Variants in ANKRD17 observed in about 807,000 individuals in gnomAD.
ANKRD17 encodes the protein ankyrin repeat domain-containing protein 17.
Under a neutral mutation model 229.7 loss-of-function variants are expected in ANKRD17, and 19 were observed. The observed-to-expected ratio is 0.08, with a 90% CI of 0.06 to 0.12. The LOEUF is 0.12. Among genes scored for constraint, ANKRD17 ranks in the 10% least tolerant of loss-of-function variants. The pLI, the probability that ANKRD17 is intolerant of heterozygous loss-of-function variation, is 1.00. For synonymous variants in ANKRD17, 1,112 were observed against 1,146.1 expected, an observed-to-expected ratio of 0.97 and a Z score of 0.60; for missense variants, 2,176 against 3,176.8, an observed-to-expected ratio of 0.68 and a Z score of 7.57.
intron 2 of ANKRD17, among the ~76,000 whole-genome samples, chr4:73,174,142 A>AAGGAAGGAAGGAAGGAAGG (rs1560652585): frequency 8.1e-5 from 6 of 73,922 alleles, no homozygotes; most frequent in Non-Finnish European, 1.7e-4. Context: ...AGGAAGGAAG[A>AAGGAAGGAAGGAAGGAAGG]AAACTACAGA....
At chr4:73,217,290 A>C (rs189216947) in intron 1 of ANKRD17, among the ~76,000 whole-genome samples, 1 of 152,102 alleles carries the variant, frequency 6.6e-6, no homozygotes, top group Non-Finnish European at 1.5e-5. Context: ...TCCATATTCC[A>C]CTAAAATATC....
chr4:73,177,281 CTAAA>C lies in ANKRD17; in HGVS notation c.547+95_547+98del, dbSNP rs549382781. ...ATTAACCTTTATTAATAGTATCATTCTAAATACCCAATATCATTCATTTTTAACA... is the reference window on the plus strand; with the variant it reads ...ATTAACCTTTATTAATAGTATCATTCTACCCAATATCATTCATTTTTAACA... On this transcript the variant is annotated intron_variant, in intron 2 of 33. Coordinates refer to ENST00000358602, the MANE Select transcript of ANKRD17 (RefSeq NM_032217.5). 9,946 of 1,162,738 alleles carry C rather than the reference CTAAA, an allele frequency of 8.6e-3. 52 individuals are homozygous for C. The highest frequency in any genetic ancestry group is 0.01 in the Non-Finnish European group (8,818 of 875,144). The allele number at this position is 1,162,738 out of a possible 1,614,324, so 72.0% of individuals were successfully genotyped here. A position where few individuals can be genotyped will look rare whatever the true frequency, so the allele number is the denominator to read the frequency against.
rs1174377902 is a variant in ANKRD17 at position 73,075,427 on chromosome 4, CAGAA to C, written c.*800_*803del. On this transcript the variant is annotated 3_prime_UTR_variant, in exon 34 of 34. Transcript: ENST00000358602. ...AATCTTGACAGAACCTTTTCACTAT[CAGAA>C]AGATAATTTTACTGGTATTAGTGGT... 1.3e-5 allele frequency: 2 copies of C among 152,202 alleles called. No individual in the cohort carries two copies. The highest frequency in any genetic ancestry group is 3.9e-4 in the East Asian group (2 of 5,192). The allele number at this position is 152,202 out of a possible 1,614,324, so 9.4% of individuals were successfully genotyped here.
intron 24 of ANKRD17, among the ~76,000 whole-genome samples, chr4:73,113,472 A>G (rs1174562984): frequency 6.6e-6 from 1 of 152,228 alleles, no homozygotes. Flanking sequence ...AATAAATTAT[A>G]AGATCAAAAA....
At position 73,128,904 on chromosome 4, in the gene ANKRD17, T is replaced by C. The variant is rs114697066; in HGVS notation, c.3235-3592A>G. ...AAATAGAAATTTGGGTTAATATTAA[T>C]AATGACAAAGTAAAGAAAAAAACAG... is the stretch of plus-strand genomic sequence containing the variant. On this transcript the variant is annotated intron_variant, in intron 16 of 33. Coordinates refer to ENST00000358602, the MANE Select transcript of ANKRD17 (RefSeq NM_032217.5). 6.2e-3 allele frequency among the ~76,000 whole-genome samples: 937 copies of C among 152,192 alleles called. 11 individuals carry two copies. The highest frequency in any genetic ancestry group is 0.019 in the African/African-American group (780 of 41,528).
At chr4:73,076,880 T>G (rs1721055959) in intron 33 of ANKRD17, 60 bp downstream of exon 33, 6 of 1,531,512 alleles carry the variant, frequency 3.9e-6, no homozygotes, top group Non-Finnish European at 5.3e-6. Flanking sequence ...CTGAATCCTA[T>G]TTGTCTTTGC....
chr4:73,131,776 A>AC (rs1728237722), intron 16 of ANKRD17, among the ~76,000 whole-genome samples: 2 of 152,226 alleles, frequency 1.3e-5, no homozygotes, highest in African/African-American at 4.8e-5. Context: ...AATAGTACCT[A>AC]CTTCATGGGA....
In ANKRD17 at chr4:73,078,715, A is replaced by G. The variant is rs773085719; in HGVS notation, c.7335T>C (p.Val2445=). 2 of 1,614,194 alleles carry G rather than the reference A, an allele frequency of 1.2e-6. No individual in the cohort carries two copies. The highest frequency in any genetic ancestry group is 1.7e-6 in the Non-Finnish European group (2 of 1,180,016). Residue 2445 remains valine (V), a synonymous_variant, in exon 31 of 34, where the codon GTT becomes GTC. Transcript: ENST00000358602. ...IRQTGTSAPS[V]IGSNLSTSVG... ...CTGATGTAGACAAATTGCTCCCAAT[A>G]ACAGATGGAGCTGACGTTCCAGTTT...
At chr4:73,253,944 C>T (rs978218164) in intron 1 of ANKRD17, among the ~76,000 whole-genome samples, 2 of 152,188 alleles carry the variant, frequency 1.3e-5, no homozygotes, top group East Asian at 1.9e-4. Context: ...TAGTTATTCA[C>T]TAAAAATGTT....
chr4:73,190,611 A>G (rs954222705), intron 1 of ANKRD17, among the ~76,000 whole-genome samples: 5 of 151,790 alleles, frequency 3.3e-5, no homozygotes, highest in Non-Finnish European at 5.9e-5. Context: ...ACATACAGAA[A>G]AAGGAAAAGG....
At chr4:73,102,309 G>T in intron 25 of ANKRD17, 67 bp downstream of exon 25, 1 of 1,468,688 alleles carries the variant, frequency 6.8e-7, no homozygotes, top group Non-Finnish European at 9.2e-7. Flanking sequence ...AAGAGTGACT[G>T]ATAATCAAGT....
rs555091573 is a variant in ANKRD17 at position 73,110,922 on chromosome 4, C to T, written c.4401+2870G>A. Among the ~76,000 whole-genome samples the T allele has an allele frequency of 5.5e-4, 83 of 152,268 alleles. 1 individual carries two copies. In the South Asian group the frequency reaches 0.016, roughly 29 times the overall value. On this transcript the variant is annotated intron_variant, in intron 24 of 33. Transcript: ENST00000358602. ...ATACAACGATATTTAAAAGAAGCTT[C>T]TCTTGACTTCTCTTAAAACTAAGGC...
intron 22 of ANKRD17, among the ~76,000 whole-genome samples, chr4:73,116,854 T>C (rs1297699600): frequency 1.3e-5 from 2 of 151,888 alleles, no homozygotes; most frequent in African/African-American, 4.8e-5. Flanking sequence ...ATACACAACA[T>C]ATACTATGTT....
In ANKRD17 at chr4:73,177,921, C is replaced by T. The variant is rs1171083738; in HGVS notation, c.394-388G>A. Among the ~76,000 whole-genome samples the T allele has an allele frequency of 3.9e-5, 6 of 152,252 alleles. No individual in the cohort carries two copies. In the East Asian group the frequency reaches 1.2e-3, roughly 29 times the overall value. ...TTTGCTTTCAGGACTCAATGAAGTA[C>T]TGAACTCCCAAGGACTTTATATAAA... On this transcript the variant is annotated intron_variant, in intron 1 of 33. Coordinates refer to ENST00000358602, the MANE Select transcript of ANKRD17 (RefSeq NM_032217.5).
At chr4:73,179,118 G>A (rs762227547) in intron 1 of ANKRD17, among the ~76,000 whole-genome samples, 22 of 151,804 alleles carry the variant, frequency 1.4e-4, no homozygotes, top group Non-Finnish European at 2.9e-4. Context: ...CAAGTAACCA[G>A]GAATACTGCT....
chr4:73,145,169 A>G (rs1730098262), intron 10 of ANKRD17, among the ~76,000 whole-genome samples: 1 of 152,162 alleles, frequency 6.6e-6, no homozygotes, highest in East Asian at 1.9e-4. Context: ...GTACTTGAAT[A>G]TGCATGTATG....
chr4:73,225,861 CAAAAAAAAAAA>C lies in ANKRD17; in HGVS notation c.393+32404_393+32414del, dbSNP rs375866026. Among the ~76,000 whole-genome samples, 26 of 66,702 alleles carry C rather than the reference CAAAAAAAAAAA, an allele frequency of 3.9e-4. No individual in the cohort carries two copies. The South Asian group carries it at 0.017, about 43-fold the overall frequency. The allele number at this position is 66,702 out of a possible 152,430, so 43.8% of individuals were successfully genotyped here. ...TGGGCAACAGGGCAAGACTCTGTCT[CAAAAAAAAAAA>C]AAAAAAAAAAAAAGAAAGAAAAGAA... On this transcript the variant is annotated intron_variant, in intron 1 of 33. Transcript: ENST00000358602.
rs140833506 is a variant in ANKRD17, at chr4:73,251,392, T to C, written c.393+6884A>G. 1.5e-3 allele frequency among the ~76,000 whole-genome samples: 222 copies of C among 152,292 alleles called. 1 individual carries two copies. Among genetic ancestry groups the C allele is most frequent in the African/African-American group, 5.0e-3 (209 of 41,554 alleles). ...AAAAAAATGTTAAGAAGTGAAGCACTGTTAAGTCAGAAAGGGTATTTTGCT... is the reference window on the plus strand; with the variant it reads ...AAAAAAATGTTAAGAAGTGAAGCACCGTTAAGTCAGAAAGGGTATTTTGCT... On this transcript the variant is annotated intron_variant, in intron 1 of 33. Transcript: ENST00000358602.
chr4:73,193,943 CA>C (rs1332385773), intron 1 of ANKRD17, among the ~76,000 whole-genome samples: 2 of 151,912 alleles, frequency 1.3e-5, no homozygotes, highest in Non-Finnish European at 2.9e-5. Context: ...AAAACAACAA[CA>C]AAAAAATCAT....
Sources: allele counts gnomAD v4.1 joint callset (sites outside exome capture counted in the v4.1 genomes callset), GRCh38; gene constraint gnomAD v4.1.1; transcripts MANE v1.5; gene names NCBI Gene and HGNC (gene_info 2026-07-23, HGNC 2026-07-21).